The following TACC2 variants were observed in gnomAD, a reference collection of about 807,000 sequenced individuals.
TACC2 encodes transforming acidic coiled-coil-containing protein 2.
TACC2 carries 137 observed loss-of-function variants against 227.3 expected under a neutral mutation model. That is an observed-to-expected ratio of 0.60 (90% CI 0.52 to 0.69). The LOEUF (loss-of-function observed/expected upper bound fraction) is 0.69, where lower values mean the gene tolerates loss of function less well. Among genes scored for constraint, TACC2 ranks in the 30% least tolerant of loss-of-function variants. TACC2 has a pLI of 0.00. For synonymous variants in TACC2, 1,523 were observed against 1,487.5 expected, an observed-to-expected ratio of 1.02 and a Z score of -0.55; for missense variants, 3,470 against 3,694.4, an observed-to-expected ratio of 0.94 and a Z score of 1.57.
intron 5 of TACC2, chr10:122,088,836 T>A (rs1340955765): frequency 5.4e-6 from 7 of 1,300,682 alleles, no homozygotes; most frequent in Non-Finnish European, 7.3e-6. Flanking sequence ...ATTTAAAAAG[T>A]CAGTCTGGGT....
intron 7 of TACC2, among the ~76,000 whole-genome samples, chr10:122,154,490 G>C (rs1216511689): frequency 6.6e-6 from 1 of 152,238 alleles, no homozygotes; most frequent in Non-Finnish European, 1.5e-5. Flanking sequence ...AGCCTCTGCA[G>C]GCTGTTAGGA....
chr10:122,025,451 C>T (rs887705012), intron 2 of TACC2, among the ~76,000 whole-genome samples: 2 of 151,526 alleles, frequency 1.3e-5, no homozygotes, highest in African/African-American at 2.4e-5. Flanking sequence ...TTAGTAGAGA[C>T]GAGGTTTCAC....
chr10:122,219,351 A>T (rs951805532), intron 11 of TACC2, among the ~76,000 whole-genome samples: 20 of 151,968 alleles, frequency 1.3e-4, no homozygotes, highest in African/African-American at 4.4e-4. Context: ...TGAGCTGGGG[A>T]TATGAAACAC....
At chr10:121,995,398 C>A (rs1012423032) in intron 1 of TACC2, among the ~76,000 whole-genome samples, 2 of 152,210 alleles carry the variant, frequency 1.3e-5, no homozygotes, top group Non-Finnish European at 2.9e-5. Flanking sequence ...CTGTTTCATA[C>A]CCTGTTCCAT....
intron 16 of TACC2, 49 bp from the exon 17 acceptor site, chr10:122,237,345 CG>C: frequency 6.5e-7 from 1 of 1,549,304 alleles, no homozygotes; most frequent in South Asian, 1.2e-5. Flanking sequence ...TCCTCTTTGT[CG>C]TATGATTAAT....
chr10:122,049,412 A>T (rs919110242), intron 2 of TACC2, among the ~76,000 whole-genome samples: 2 of 152,200 alleles, frequency 1.3e-5, no homozygotes, highest in African/African-American at 4.8e-5. Flanking sequence ...TTCTTCAGGG[A>T]ATCCCGTAGA....
intron 7 of TACC2, among the ~76,000 whole-genome samples, chr10:122,148,120 T>G (rs2139384236): frequency 6.6e-6 from 1 of 151,562 alleles, no homozygotes; most frequent in Admixed American, 6.6e-5. Context: ...TTTTTTTTTT[T>G]TAGGCAGAGT....
chr10:122,184,798 C>G (rs1367467413), intron 7 of TACC2, among the ~76,000 whole-genome samples: 1 of 151,986 alleles, frequency 6.6e-6, no homozygotes, highest in African/African-American at 2.4e-5. Flanking sequence ...TCTTAATTTG[C>G]TGGGTTTTTT....
rs532390582 is a variant in TACC2, at chr10:122,029,610, G to A, written c.33+7596G>A. On this transcript the variant is annotated intron_variant, in intron 2 of 22. Transcript: ENST00000369005. The stretch of plus-strand genomic sequence containing the variant: ...GGCAACTAATTTCAATTATTTTTAA[G>A]CACTCTATGGGCCAAACGAATGTGC... Among the ~76,000 whole-genome samples, 10 of 152,278 alleles carry A rather than the reference G, an allele frequency of 6.6e-5. 1 individual carries two copies. The South Asian group carries it at 1.9e-3, about 28-fold the overall frequency.
chr10:122,207,572 G>A (rs945282710), intron 8 of TACC2, among the ~76,000 whole-genome samples: 3 of 152,214 alleles, frequency 2.0e-5, no homozygotes, highest in African/African-American at 7.2e-5. Flanking sequence ...ACAGGGCACA[G>A]GACAGCCCCC....
intron 7 of TACC2, among the ~76,000 whole-genome samples, chr10:122,147,248 G>A (rs754076940): frequency 3.9e-5 from 6 of 151,964 alleles, no homozygotes; most frequent in Non-Finnish European, 8.8e-5. Context: ...AAGCTCAAGC[G>A]ATTCTCCTGC....
chr10:122,066,576 T>G (rs1031463909), intron 3 of TACC2, among the ~76,000 whole-genome samples: 1 of 152,184 alleles, frequency 6.6e-6, no homozygotes, highest in East Asian at 1.9e-4. Flanking sequence ...TTAATTTTTG[T>G]ATTTTCAGTA....
intron 1 of TACC2, among the ~76,000 whole-genome samples, chr10:121,991,759 G>C (rs771473904): frequency 1.3e-5 from 2 of 152,298 alleles, no homozygotes; most frequent in East Asian, 3.9e-4. Flanking sequence ...ATATCTCAAA[G>C]CCATTTGCAT....
In TACC2 at chr10:122,230,559, G is replaced by A. The variant is rs572157447; in HGVS notation, c.8127+119G>A. On this transcript the variant is annotated intron_variant, in intron 16 of 22. Coordinates refer to ENST00000369005, the MANE Select transcript of TACC2 (RefSeq NM_206862.4). ...CATCATCGGTGTCCAGCAAAGAGTC[G>A]TTTCCAAAAAGCTGAAAGCGTCACT... The A allele has an allele frequency of 2.9e-5, 26 of 884,980 alleles. 1 individual carries two copies. The highest frequency in any genetic ancestry group is 5.1e-5 in the East Asian group (2 of 39,298). 54.8% of individuals were successfully genotyped at this position (884,980 alleles called of 1,614,324 possible).
intron 1 of TACC2, among the ~76,000 whole-genome samples, chr10:121,998,874 T>C (rs1204364816): frequency 2.0e-5 from 3 of 152,206 alleles, no homozygotes; most frequent in Non-Finnish European, 4.4e-5. Context: ...TGACCTCCTC[T>C]GAGTAGCTGC....
chr10:122,188,370 C>G (rs1269467015), intron 7 of TACC2, among the ~76,000 whole-genome samples: 1 of 152,158 alleles, frequency 6.6e-6, no homozygotes, highest in Non-Finnish European at 1.5e-5. Context: ...ACCTCTGCCT[C>G]CCGGGTTCAA....
rs190069977 is a variant in TACC2 at position 122,207,477 on chromosome 10, C to T, written c.5972-2920C>T. On this transcript the variant is annotated intron_variant, in intron 8 of 22. Coordinates refer to ENST00000369005, the MANE Select transcript of TACC2 (RefSeq NM_206862.4). ...ACAAGGGTACATGGCAATGTCTAGA[C>T]ACAGTGTTGGTTGTCACAGCTGGGG... is the stretch of plus-strand genomic sequence containing the variant. Among the ~76,000 whole-genome samples, 8 of 152,274 alleles carry T rather than the reference C, an allele frequency of 5.3e-5. No individual in the cohort carries two copies. The East Asian group carries it at 1.5e-3, about 29-fold the overall frequency.
chr10:121,997,885 G>T (rs1953746465), intron 1 of TACC2, among the ~76,000 whole-genome samples: 1 of 152,210 alleles, frequency 6.6e-6, no homozygotes, highest in South Asian at 2.1e-4. Context: ...TCCCAAGGAG[G>T]CCACAAGCCT....
Position 122,209,037 on chromosome 10 carries a change from C to T in TACC2, c.5972-1360C>T, listed in dbSNP as rs1453977501. ...CCCCATGGGCAGTAGGGTGGTGGCACCTTTGAGCATCATTTGGCCAACATT... is the reference window on the plus strand; with the variant it reads ...CCCCATGGGCAGTAGGGTGGTGGCATCTTTGAGCATCATTTGGCCAACATT... On this transcript the variant is annotated intron_variant, in intron 8 of 22. Coordinates refer to ENST00000369005, the MANE Select transcript of TACC2 (RefSeq NM_206862.4). The surrounding 1 kb of genome is among the most constrained non-coding windows in gnomAD (Gnocchi z 4.5). 1.3e-5 allele frequency among the ~76,000 whole-genome samples: 2 copies of T among 152,174 alleles called. No homozygotes were observed. The highest frequency in any genetic ancestry group is 2.9e-5 in the Non-Finnish European group (2 of 68,040).
Sources: gnomAD v4.1 joint callset for allele counts (sites outside exome capture counted in the v4.1 genomes callset) on GRCh38, gnomAD v4.1.1 for gene constraint, Gnocchi (gnomAD v3.1) non-coding constraint, MANE v1.5 for transcripts, NCBI Gene and HGNC (gene_info 2026-07-23, HGNC 2026-07-21) for gene names.